Variants in COTL1 observed in about 807,000 individuals in gnomAD.
COTL1 encodes coactosin like F-actin binding protein 1.
COTL1 carries 15 observed loss-of-function variants against 16.5 expected under a neutral mutation model. The ratio of observed to expected loss-of-function variants is 0.91; its 90% CI spans 0.61 to 1.40. The LOEUF (loss-of-function observed/expected upper bound fraction) is 1.40, where lower values mean the gene tolerates loss of function less well. Among genes scored for constraint, COTL1 ranks in the 40% most tolerant of loss-of-function variants. COTL1 has a pLI of 0.00. For synonymous variants in COTL1, 112 were observed against 85.3 expected (o/e 1.31, Z -1.73); for missense variants, 220 against 201.5 (o/e 1.09, Z -0.56).
chr16:84,587,018 G>A (rs1904749789), intron 3 of COTL1, among the ~76,000 whole-genome samples: 1 of 152,196 alleles, frequency 6.6e-6, no homozygotes, highest in Admixed American at 6.6e-5. Flanking sequence ...ACGTCCAGGA[G>A]TGGGCCAAGC....
rs142909335 is a variant in COTL1 at position 84,593,035 on chromosome 16, G to A, written c.161-2773C>T. ...CATTTGGTCTTTGTAACAACGCTGGGAGGCAGATGAGGTAGAGACGTCATG... is the reference window on the plus strand; with the variant it reads ...CATTTGGTCTTTGTAACAACGCTGGAAGGCAGATGAGGTAGAGACGTCATG... On this transcript the variant is annotated intron_variant, in intron 2 of 3. Coordinates refer to ENST00000262428, the MANE Select transcript of COTL1 (RefSeq NM_021149.5). Among the ~76,000 whole-genome samples the A allele has an allele frequency of 3.2e-3, 491 of 152,350 alleles. 3 individuals carry two copies. Among genetic ancestry groups the A allele is most frequent in the African/African-American group, 0.011 (462 of 41,586 alleles).
Position 84,602,939 on chromosome 16 carries a change from C to T in COTL1, c.161-12677G>A, listed in dbSNP as rs76269513. ...GCCAGAGTCAGTGATGCCTGCGTAACAAGGAAGCTGCTTCTCCACCTTTCA... is the reference window on the plus strand; with the variant it reads ...GCCAGAGTCAGTGATGCCTGCGTAATAAGGAAGCTGCTTCTCCACCTTTCA... On this transcript the variant is annotated intron_variant, in intron 2 of 3. Transcript: ENST00000262428. Among the ~76,000 whole-genome samples the T allele has an allele frequency of 6.5e-3, 987 of 152,268 alleles. 16 individuals are homozygous for T. The highest frequency in any genetic ancestry group is 0.022 in the African/African-American group (928 of 41,538).
At chr16:84,573,655 G>A (rs1338572556) in intron 3 of COTL1, among the ~76,000 whole-genome samples, 3 of 151,920 alleles carry the variant, frequency 2.0e-5, no homozygotes, top group East Asian at 3.9e-4. Flanking sequence ...CGGGAGAATC[G>A]CTTGAACCGG....
intron 3 of COTL1, among the ~76,000 whole-genome samples, chr16:84,574,103 G>C (rs1194430682): frequency 1.3e-5 from 2 of 151,890 alleles, no homozygotes; most frequent in Non-Finnish European, 2.9e-5. Flanking sequence ...GGGAGGTCGA[G>C]GCTGCCGTGA....
intron 2 of COTL1, among the ~76,000 whole-genome samples, chr16:84,608,548 G>A (rs1023137261): frequency 9.2e-5 from 14 of 152,270 alleles, no homozygotes; most frequent in African/African-American, 3.1e-4. Flanking sequence ...AAGGCAATGG[G>A]AGACTGGATA....
intron 2 of COTL1, among the ~76,000 whole-genome samples, chr16:84,593,071 T>C (rs901157750): frequency 3.3e-5 from 5 of 152,214 alleles, no homozygotes; most frequent in East Asian, 1.9e-4. Context: ...GCCACTTTCA[T>C]CATCAACATC....
chr16:84,602,472 C>A (rs951431277), intron 2 of COTL1, among the ~76,000 whole-genome samples: 4 of 151,822 alleles, frequency 2.6e-5, no homozygotes, highest in African/African-American at 9.7e-5. Flanking sequence ...ACTTCCACCC[C>A]CAGAGAGCAG....
chr16:84,581,366 T>G (rs1465837270), intron 3 of COTL1, among the ~76,000 whole-genome samples: 1 of 151,990 alleles, frequency 6.6e-6, no homozygotes, highest in Non-Finnish European at 1.5e-5. Context: ...CAGCGAACAG[T>G]CTGTGGATGG....
At chr16:84,567,117 A>G in intron 3 of COTL1, 162 bp from the exon 4 acceptor site, 1 of 601,088 alleles carries the variant, frequency 1.7e-6, no homozygotes, top group Non-Finnish European at 3.0e-6. Flanking sequence ...TCAGCAGCAG[A>G]GTCAATGGAA....
intron 2 of COTL1, among the ~76,000 whole-genome samples, chr16:84,614,514 C>G (rs1905420673): frequency 6.6e-6 from 1 of 151,248 alleles, no homozygotes; most frequent in South Asian, 2.1e-4. Context: ...GGAGAAGGGA[C>G]AGTAGCCTGA....
chr16:84,611,051 C>A (rs1905312772), intron 2 of COTL1, among the ~76,000 whole-genome samples: 1 of 152,202 alleles, frequency 6.6e-6, no homozygotes, highest in South Asian at 2.1e-4. Flanking sequence ...ATGGAACAAG[C>A]CAGTTTATCC....
intron 3 of COTL1, among the ~76,000 whole-genome samples, chr16:84,585,725 T>C (rs1378883356): frequency 2.0e-5 from 3 of 152,140 alleles, no homozygotes; most frequent in African/African-American, 7.2e-5. Flanking sequence ...AAGACAGCAT[T>C]ATACCAGCAG....
chr16:84,584,192 G>A (rs1298270541), intron 3 of COTL1, among the ~76,000 whole-genome samples: 1 of 152,244 alleles, frequency 6.6e-6, no homozygotes, highest in African/African-American at 2.4e-5. Flanking sequence ...CGTGCGTGCT[G>A]TGCGTTCAGC....
chr16:84,596,533 G>A (rs1346481012), intron 2 of COTL1: 2 of 152,294 alleles, frequency 1.3e-5, no homozygotes, highest in Non-Finnish European at 2.9e-5. Context: ...GTCCACAGGG[G>A]CCTCCTAATT....
intron 3 of COTL1, among the ~76,000 whole-genome samples, chr16:84,581,000 G>A (rs2326326): frequency 0.14 from 20,889 of 152,032 alleles, 3,135 homozygotes; most frequent in African/African-American, 0.37. Flanking sequence ...AATTAGGCTG[G>A]GCATGGTGGC....
At chr16:84,610,729 G>GAA (rs199829928) in intron 2 of COTL1, among the ~76,000 whole-genome samples, 1 of 150,634 alleles carries the variant, frequency 6.6e-6, no homozygotes, top group African/African-American at 2.4e-5. Context: ...ATGCTGGACA[G>GAA]AAAAAAAAAC....
At chr16:84,574,700 C>G (rs973249478) in intron 3 of COTL1, among the ~76,000 whole-genome samples, 1 of 152,166 alleles carries the variant, frequency 6.6e-6, no homozygotes, top group African/African-American at 2.4e-5. Flanking sequence ...TCTCCTGCCT[C>G]TACCTCCTGA....
Position 84,590,125 on chromosome 16 carries a change from G to C in COTL1, c.298C>G (p.Leu100Val), listed in dbSNP as rs746192667. ...AGTACCTGTACGACCTCCTTCACCA[G>C]GGTCTTGTCCGTCCCGGTTTTGGCG... ...QRAKTGTDKT[L>V]VKEVVQNFAK... Residue 100 changes from leucine (L) to valine (V), a missense_variant, in exon 3 of 4, where the codon CTG becomes GTG. Leu to Val is a conservative substitution (Grantham distance 32). Transcript: ENST00000262428. The surrounding 1 kb of genome is among the most constrained non-coding windows in gnomAD (Gnocchi z 5.5). The C allele has an allele frequency of 9.9e-6, 16 of 1,613,784 alleles. No individual in the cohort carries two copies. The Admixed American group carries it at 1.2e-4, about 12-fold the overall frequency.
intron 2 of COTL1, among the ~76,000 whole-genome samples, chr16:84,608,538 A>T (rs1380251342): frequency 6.6e-6 from 1 of 152,244 alleles, no homozygotes; most frequent in Non-Finnish European, 1.5e-5. Context: ...GTGGGCAAAG[A>T]AGGCAATGGG....
Sources: gnomAD v4.1 joint callset for allele counts (sites outside exome capture counted in the v4.1 genomes callset) on GRCh38, gnomAD v4.1.1 for gene constraint, Gnocchi (gnomAD v3.1) non-coding constraint, MANE v1.5 for transcripts, NCBI Gene and HGNC (gene_info 2026-07-23, HGNC 2026-07-21) for gene names.